The following SLC9A1 variants were observed in gnomAD, a reference collection of about 807,000 sequenced individuals.
The protein encoded by SLC9A1 is solute carrier family 9 member A1, also known as sodium/hydrogen exchanger 1.
A neutral mutation model predicts 67.9 loss-of-function variants in SLC9A1; 22 were observed. That is an observed-to-expected ratio of 0.32 (90% CI 0.23 to 0.46). SLC9A1 has a LOEUF of 0.46. Ranked by LOEUF, SLC9A1 falls within the 20% of genes least tolerant of loss-of-function variation. The pLI is 1.00. For missense variants in SLC9A1, 686 were observed against 1,094.8 expected (o/e 0.63, Z 5.27); for synonymous variants, 421 against 471.8 (o/e 0.89, Z 1.40).
intron 1 of SLC9A1, among the ~76,000 whole-genome samples, chr1:27,130,766 G>A (rs1353755546): frequency 1.2e-4 from 18 of 152,190 alleles, no homozygotes; most frequent in Non-Finnish European, 1.5e-5. Context: ...ACACAGCCAG[G>A]AAACAACCAA....
At chr1:27,120,806 G>A (rs569006506) in intron 1 of SLC9A1, among the ~76,000 whole-genome samples, 1 of 152,186 alleles carries the variant, frequency 6.6e-6, no homozygotes, top group South Asian at 2.1e-4. Context: ...CTGATGCAAG[G>A]CTCTGTGCAG....
Position 27,135,524 on chromosome 1 carries a change from G to GAA in SLC9A1, c.352+18458_352+18459insTT, listed in dbSNP as rs1464533443. On this transcript the variant is annotated intron_variant, in intron 1 of 11. Coordinates refer to ENST00000263980, the MANE Select transcript of SLC9A1 (RefSeq NM_003047.5). Reference sequence around the variant, plus strand: ...TTTTTTTTATTTCTTCCTTTTTTCTGGAAAAAAAAAAAAAAAAAAAAATCT... The same window carrying GAA: ...TTTTTTTTATTTCTTCCTTTTTTCTGAAGAAAAAAAAAAAAAAAAAAAAATCT... 6.3e-3 allele frequency among the ~76,000 whole-genome samples: 441 copies of GAA among 70,308 alleles called. 5 individuals are homozygous for GAA. Among genetic ancestry groups the GAA allele is most frequent in the African/African-American group, 0.03 (412 of 13,754 alleles). The allele number at this position is 70,308 out of a possible 152,430, so 46.1% of individuals were successfully genotyped here.
chr1:27,131,949 T>TAAAAAAAAAAAAAAAAAAAAAAAA (rs200128151), intron 1 of SLC9A1, among the ~76,000 whole-genome samples: 3 of 25,312 alleles, frequency 1.2e-4, no homozygotes, highest in African/African-American at 2.9e-4. Context: ...AAAAAAAAAA[T>TAAAAAAAAAAAAAAAAAAAAAAAA]ATATATATAT....
At chr1:27,123,291 C>G (rs113448752) in intron 1 of SLC9A1, among the ~76,000 whole-genome samples, 5 of 152,114 alleles carry the variant, frequency 3.3e-5, no homozygotes, top group South Asian at 4.1e-4. Context: ...CAGTCTCCCC[C>G]ACAACCGAAT....
At chr1:27,122,190 C>A (rs2083308782) in intron 1 of SLC9A1, among the ~76,000 whole-genome samples, 1 of 152,140 alleles carries the variant, frequency 6.6e-6, no homozygotes, top group Non-Finnish European at 1.5e-5. Flanking sequence ...TGGAGCCACA[C>A]CCCCGCCCTC....
At chr1:27,102,321 C>A in intron 8 of SLC9A1, 64 bp downstream of exon 8, 1 of 1,536,578 alleles carries the variant, frequency 6.5e-7, no homozygotes, top group Non-Finnish European at 8.8e-7. Context: ...AGGTGGCCAC[C>A]TCCAACCGGG....
intron 5 of SLC9A1, chr1:27,105,442 G>T: frequency 2.3e-6 from 1 of 426,306 alleles, no homozygotes; most frequent in Non-Finnish European, 4.3e-6. Context: ...TGGAATTACA[G>T]GTATGCATCA....
chr1:27,152,683 T>G (rs1441029602), intron 1 of SLC9A1, among the ~76,000 whole-genome samples: 2 of 152,166 alleles, frequency 1.3e-5, no homozygotes, highest in East Asian at 3.9e-4. Context: ...CTTAGTTCCA[T>G]GTAAGGCTCT....
chr1:27,124,718 C>T (rs957406522), intron 1 of SLC9A1, among the ~76,000 whole-genome samples: 1 of 152,098 alleles, frequency 6.6e-6, no homozygotes, highest in African/African-American at 2.4e-5. Flanking sequence ...CTATTGTGTG[C>T]CCTCACAGCA....
rs2083146421 is a variant in SLC9A1 at position 27,101,740 on chromosome 1, C to T, written c.2022G>A (p.Arg674=). The part of the protein sequence containing the change: ...NQMLLRRQKA[R]QLEQKINNYL... ...CAGAGGCTACCTTCTGCTCCAGCTG[C>T]CGGGCCTTCTGCCTCCGGAGCAGCA... The change falls in exon 10 of 12, where the codon CGG becomes CGA. Residue 674 remains arginine (R), a synonymous_variant. Coordinates refer to ENST00000263980, the MANE Select transcript of SLC9A1 (RefSeq NM_003047.5). This position sits in a 1 kb window ranked among gnomAD's most constrained non-coding sequence, Gnocchi z 4.9. The T allele has an allele frequency of 1.9e-6, 3 of 1,611,812 alleles. No individual in the cohort carries two copies. Among genetic ancestry groups the T allele is most frequent in the East Asian group, 2.2e-5 (1 of 44,848 alleles).
intron 1 of SLC9A1, among the ~76,000 whole-genome samples, chr1:27,143,276 C>T (rs1410167857): frequency 6.6e-6 from 1 of 152,060 alleles, no homozygotes; most frequent in Non-Finnish European, 1.5e-5. Flanking sequence ...CCTCTTCTAC[C>T]CCTGGCCCAC....
At position 27,100,812 on chromosome 1, in the gene SLC9A1, C is replaced by A. The variant is rs539421302; in HGVS notation, c.2111-168G>T. The stretch of plus-strand genomic sequence containing the variant: ...TGCGACCTTCCACCCCACAGCTTCT[C>A]TTCCTCAGACTGTGGCCCTCTCCTT... On this transcript the variant is annotated intron_variant, in intron 11 of 11. Coordinates refer to ENST00000263980, the MANE Select transcript of SLC9A1 (RefSeq NM_003047.5). This position sits in a 1 kb window ranked among gnomAD's most constrained non-coding sequence, Gnocchi z 5.6. Among the ~76,000 whole-genome samples, 1 of 152,388 alleles carries A rather than the reference C, an allele frequency of 6.6e-6. No individual in the cohort carries two copies. Among genetic ancestry groups the A allele is most frequent in the South Asian group, 2.1e-4 (1 of 4,830 alleles).
chr1:27,106,346 G>A lies in SLC9A1; in HGVS notation c.1283-259C>T, dbSNP rs919467800. ...GCCTCCAGTGGCTGGAGGGCTGGGG[G>A]CAGGAAGAGGGAGAAAAGATCAAAC... On this transcript the variant is annotated intron_variant, in intron 4 of 11. Coordinates refer to ENST00000263980, the MANE Select transcript of SLC9A1 (RefSeq NM_003047.5). This position sits in a 1 kb window ranked among gnomAD's most constrained non-coding sequence, Gnocchi z 4.3. Among the ~76,000 whole-genome samples the A allele has an allele frequency of 2.6e-5, 4 of 152,158 alleles. No individual in the cohort carries two copies. The highest frequency in any genetic ancestry group is 7.2e-5 in the African/African-American group (3 of 41,424).
At chr1:27,140,998 AG>A (rs1404885391) in intron 1 of SLC9A1, among the ~76,000 whole-genome samples, 6 of 152,148 alleles carry the variant, frequency 3.9e-5, no homozygotes, top group African/African-American at 1.4e-4. Context: ...ACTTGAGGTC[AG>A]GGGTTCAAAA....
At position 27,106,203 on chromosome 1, in the gene SLC9A1, C is replaced by T; in HGVS notation, c.1283-116G>A. 1.5e-6 allele frequency: 1 copy of T among 686,992 alleles called. No individual in the cohort carries two copies. The highest frequency in any genetic ancestry group is 2.5e-6 in the Non-Finnish European group (1 of 394,824). The allele number at this position is 686,992 out of a possible 1,614,324, so 42.6% of individuals were successfully genotyped here. A position where few individuals can be genotyped will look rare whatever the true frequency, so the allele number is the denominator to read the frequency against. The stretch of plus-strand genomic sequence containing the variant: ...GGAAGTCTCCATTACGAAGCCCACC[C>T]CGCTCACTCAATTCCTGGGTCCCTC... On this transcript the variant is annotated intron_variant, in intron 4 of 11. Coordinates refer to ENST00000263980, the MANE Select transcript of SLC9A1 (RefSeq NM_003047.5). The surrounding 1 kb of genome is among the most constrained non-coding windows in gnomAD (Gnocchi z 4.3).
chr1:27,102,231 G>A, intron 8 of SLC9A1, 101 bp from the exon 9 acceptor site: 1 of 1,335,816 alleles, frequency 7.5e-7, no homozygotes, highest in Non-Finnish European at 1.1e-6. Flanking sequence ...ACCCAGGTGG[G>A]CGCCAAAGCC....
Position 27,153,970 on chromosome 1 carries a change from A to C in SLC9A1, c.352+13T>G, listed in dbSNP as rs1469577621. ...CTGGTGGCGGCCGCAGCATCGGAGCAAACGGGACTTACCTATCTTCATGAG... is the reference window on the plus strand; with the variant it reads ...CTGGTGGCGGCCGCAGCATCGGAGCCAACGGGACTTACCTATCTTCATGAG... On this transcript the variant is annotated intron_variant, in intron 1 of 11. Transcript: ENST00000263980. The C allele has an allele frequency of 3.9e-6, 6 of 1,525,798 alleles. No homozygotes were observed. The highest frequency in any genetic ancestry group is 5.3e-6 in the Non-Finnish European group (6 of 1,126,432). The allele number at this position is 1,525,798 out of a possible 1,614,324, so 94.5% of individuals were successfully genotyped here.
In SLC9A1 at chr1:27,106,419, G is replaced by A. The variant is rs559944227; in HGVS notation, c.1283-332C>T. 6.6e-6 allele frequency among the ~76,000 whole-genome samples: 1 copy of A among 152,100 alleles called. No homozygotes were observed. Among genetic ancestry groups the A allele is most frequent in the East Asian group, 1.9e-4 (1 of 5,178 alleles). On this transcript the variant is annotated intron_variant, in intron 4 of 11. Transcript: ENST00000263980. This position sits in a 1 kb window ranked among gnomAD's most constrained non-coding sequence, Gnocchi z 4.3. ...TTGTTAAATGTGATGGGTGTGTGGG[G>A]GGTCATGATCCTATTCTCTCTACTT...
intron 6 of SLC9A1, 84 bp downstream of exon 6, chr1:27,103,139 G>T: frequency 9.8e-7 from 1 of 1,016,580 alleles, no homozygotes; most frequent in Non-Finnish European, 1.6e-6. Context: ...AGGGGCTGAT[G>T]GGGGGCAGAG....
Sources: gnomAD v4.1 joint callset for allele counts (sites outside exome capture counted in the v4.1 genomes callset) on GRCh38, gnomAD v4.1.1 for gene constraint, Gnocchi (gnomAD v3.1) non-coding constraint, MANE v1.5 for transcripts, NCBI Gene and HGNC (gene_info 2026-07-23, HGNC 2026-07-21) for gene names.